The following IGDCC4 variants were observed in gnomAD, a reference collection of about 807,000 sequenced individuals.
The protein encoded by IGDCC4 is immunoglobulin superfamily DCC subclass member 4.
Under a neutral mutation model 116.6 loss-of-function variants are expected in IGDCC4, and 72 were observed. The ratio of observed to expected loss-of-function variants is 0.62; its 90% CI spans 0.51 to 0.75. IGDCC4 has a LOEUF of 0.75. Among genes scored for constraint, IGDCC4 ranks in the 30% least tolerant of loss-of-function variants. IGDCC4 has a pLI of 0.00. For missense variants in IGDCC4, 1,501 were observed against 1,662.4 expected (o/e 0.90, Z 1.69); for synonymous variants, 709 against 719.9 (o/e 0.98, Z 0.24).
chr15:65,416,370 T>C (rs985531219), intron 1 of IGDCC4, among the ~76,000 whole-genome samples: 1 of 151,904 alleles, frequency 6.6e-6, no homozygotes, highest in Non-Finnish European at 1.5e-5. Context: ...ATCTCCTGAC[T>C]TCGTGATCCG....
chr15:65,418,824 G>GT (rs1457496549), intron 1 of IGDCC4, among the ~76,000 whole-genome samples: 3 of 152,034 alleles, frequency 2.0e-5, no homozygotes, highest in African/African-American at 7.3e-5. Flanking sequence ...GAAAGAGGTG[G>GT]GGGGGGTTAA....
chr15:65,402,222 C>T (rs1296698116), intron 4 of IGDCC4, 129 bp downstream of exon 4: 5 of 1,114,920 alleles, frequency 4.5e-6, no homozygotes, highest in Non-Finnish European at 6.2e-6. Context: ...TTCATCGCCT[C>T]ACCAGTCAAT....
At chr15:65,396,216 G>GCCCCTCCCCCCCCCCCCCCCCCCCCC in intron 6 of IGDCC4, 53 bp from the exon 7 acceptor site, 2 of 1,188,160 alleles carry the variant, frequency 1.7e-6, no homozygotes, top group Non-Finnish European at 2.1e-6. Flanking sequence ...TAAGGTCTCT[G>GCCCCTCCCCCCCCCCCCCCCCCCCCC]CCCCCCCCCC....
chr15:65,385,247 T>G, intron 18 of IGDCC4, 132 bp from the exon 19 acceptor site: 1 of 947,540 alleles, frequency 1.1e-6, no homozygotes, highest in Admixed American at 3.1e-5. Context: ...TCTCTCCCTC[T>G]CCAAGGCTCT....
chr15:65,384,853 G>T lies in IGDCC4; in HGVS notation c.3342+101C>A. 1.4e-6 allele frequency: 2 copies of T among 1,442,862 alleles called. No homozygotes were observed. The highest frequency in any genetic ancestry group is 9.3e-7 in the Non-Finnish European group (1 of 1,079,582). The allele number at this position is 1,442,862 out of a possible 1,614,324, so 89.4% of individuals were successfully genotyped here. On this transcript the variant is annotated intron_variant, in intron 19 of 19. Coordinates refer to ENST00000352385, the MANE Select transcript of IGDCC4 (RefSeq NM_020962.3). This position sits in a 1 kb window ranked among gnomAD's most constrained non-coding sequence, Gnocchi z 4.9. Reference sequence around the variant, plus strand: ...CTCCTGGCTAGACTTCTATCCCCAGGAAAGTTACCACCCAGGGGTCTCCAG... The same window carrying T: ...CTCCTGGCTAGACTTCTATCCCCAGTAAAGTTACCACCCAGGGGTCTCCAG...
rs116092608 is a variant in IGDCC4 at position 65,384,565 on chromosome 15, G to C, written c.3343-146C>G. The C allele has an allele frequency of 3.3e-3, 2,680 of 807,566 alleles. 52 individuals are homozygous for C. The African/African-American group carries it at 0.039, about 12-fold the overall frequency. 50.0% of individuals were successfully genotyped at this position (807,566 alleles called of 1,614,324 possible). A position where few individuals can be genotyped will look rare whatever the true frequency, so the allele number is the denominator to read the frequency against. On this transcript the variant is annotated intron_variant, in intron 19 of 19. Transcript: ENST00000352385. The surrounding 1 kb of genome is among the most constrained non-coding windows in gnomAD (Gnocchi z 4.9). ...GGTGAAGGATACACAGGAACTGTTC[G>C]AACCTATACAAAGGCAGGGAATGAT...
intron 3 of IGDCC4, among the ~76,000 whole-genome samples, 197 bp from the exon 4 acceptor site, chr15:65,402,684 A>G (rs2140220156): frequency 6.6e-6 from 1 of 152,314 alleles, no homozygotes; most frequent in South Asian, 2.1e-4. Context: ...CCTGACCAAC[A>G]TGGAGAAACC....
chr15:65,414,187 G>C (rs74023806), intron 1 of IGDCC4, among the ~76,000 whole-genome samples: 463 of 152,352 alleles, frequency 3.0e-3, no homozygotes, highest in African/African-American at 0.011. Flanking sequence ...AGTGATGGCT[G>C]CGTGAAATAA....
At chr15:65,403,221 AGCT>A (rs2063007088) in intron 3 of IGDCC4, among the ~76,000 whole-genome samples, 2 of 152,234 alleles carry the variant, frequency 1.3e-5, no homozygotes, top group Admixed American at 1.3e-4. Flanking sequence ...AATGTTAGGC[AGCT>A]GCTAAAAAGG....
intron 3 of IGDCC4, among the ~76,000 whole-genome samples, chr15:65,402,906 T>C (rs1236519845): frequency 6.6e-6 from 1 of 152,140 alleles, no homozygotes; most frequent in African/African-American, 2.4e-5. Flanking sequence ...CATTTTCACC[T>C]ATTAGATTGG....
chr15:65,397,107 G>T (rs2062936074), intron 5 of IGDCC4, 118 bp from the exon 6 acceptor site: 1 of 1,266,290 alleles, frequency 7.9e-7, no homozygotes. Flanking sequence ...TCCCTGGTCC[G>T]AATCTCATTT....
At position 65,387,714 on chromosome 15, in the gene IGDCC4, AAT is replaced by A. The variant is rs527458696; in HGVS notation, c.2845+733_2845+734del. ...TTTTCATTCTGCACTGGGCCCTGGA[AAT>A]TACGTAGCCAGTCCTGCTGTCCACC... On this transcript the variant is annotated intron_variant, in intron 16 of 19. Transcript: ENST00000352385. Among the ~76,000 whole-genome samples the A allele has an allele frequency of 1.9e-3, 292 of 152,086 alleles. 2 individuals carry two copies. Among genetic ancestry groups the A allele is most frequent in the African/African-American group, 6.5e-3 (270 of 41,490 alleles).
At chr15:65,398,313 C>A (rs1045274898) in intron 5 of IGDCC4, among the ~76,000 whole-genome samples, 1 of 151,852 alleles carries the variant, frequency 6.6e-6, no homozygotes, top group African/African-American at 2.4e-5. Flanking sequence ...GCGGGTGGAT[C>A]ACTTGAGGTC....
intron 2 of IGDCC4, 83 bp from the exon 3 acceptor site, chr15:65,410,402 G>A (rs1206413529): frequency 7.8e-5 from 118 of 1,507,748 alleles, no homozygotes; most frequent in Non-Finnish European, 1.0e-4. Context: ...AAACACATCC[G>A]CATGGAGACA....
rs1190859292 is a variant in IGDCC4 at position 65,390,469 on chromosome 15, T to A, written c.2225-131A>T. ...GATCCTGTGAGTTGAGTGGCATCAT[T>A]CCTACTTCACAGATAAGGCAATTGA... On this transcript the variant is annotated intron_variant, in intron 12 of 19. Transcript: ENST00000352385. 21 of 665,844 alleles carry A rather than the reference T, an allele frequency of 3.2e-5. No individual in the cohort carries two copies. In the Admixed American group the frequency reaches 6.5e-4, roughly 21 times the overall value. 41.2% of individuals were successfully genotyped at this position (665,844 alleles called of 1,614,324 possible). A position where few individuals can be genotyped will look rare whatever the true frequency, so the allele number is the denominator to read the frequency against.
At chr15:65,391,064 C>T (rs1438532173) in intron 12 of IGDCC4, among the ~76,000 whole-genome samples, 2 of 152,106 alleles carry the variant, frequency 1.3e-5, no homozygotes, top group African/African-American at 4.8e-5. Context: ...GAAACCCCGT[C>T]TCTACTAAAA....
At chr15:65,413,492 C>T (rs1327242045) in intron 1 of IGDCC4, among the ~76,000 whole-genome samples, 1 of 152,162 alleles carries the variant, frequency 6.6e-6, no homozygotes, top group African/African-American at 2.4e-5. Context: ...GAAGGGAATG[C>T]CATCCCAGGG....
intron 3 of IGDCC4, among the ~76,000 whole-genome samples, chr15:65,402,869 A>T (rs1296601401): frequency 1.3e-5 from 2 of 152,116 alleles, no homozygotes; most frequent in Non-Finnish European, 2.9e-5. Flanking sequence ...CTCCATCTCA[A>T]ACAAACAAAC....
chr15:65,381,583 A>G lies in IGDCC4; in HGVS notation c.*2426T>C, dbSNP rs1187832678. 2 of 152,238 alleles carry G rather than the reference A, an allele frequency of 1.3e-5. No individual in the cohort carries two copies. The highest frequency in any genetic ancestry group is 4.8e-5 in the African/African-American group (2 of 41,458). 9.4% of individuals were successfully genotyped at this position (152,238 alleles called of 1,614,324 possible). A position where few individuals can be genotyped will look rare whatever the true frequency, so the allele number is the denominator to read the frequency against. Reference sequence around the variant, plus strand: ...TATCATATTTGTAAGGAGAAAAAAAAAACGCTGGAAGGATAATTAAATAGT... The same window carrying G: ...TATCATATTTGTAAGGAGAAAAAAAGAACGCTGGAAGGATAATTAAATAGT... On this transcript the variant is annotated 3_prime_UTR_variant, in exon 20 of 20. Transcript: ENST00000352385.
Sources: allele counts gnomAD v4.1 joint callset (sites outside exome capture counted in the v4.1 genomes callset), GRCh38; gene constraint gnomAD v4.1.1; non-coding constraint Gnocchi (gnomAD v3.1); transcripts MANE v1.5; gene names NCBI Gene and HGNC (gene_info 2026-07-23, HGNC 2026-07-21).